The following PCNX2 variants were observed in gnomAD, a reference collection of about 807,000 sequenced individuals.
The protein encoded by PCNX2 is pecanex 2, also known as pecanex-like protein 2.
PCNX2 carries 168 observed loss-of-function variants against 223.8 expected under a neutral mutation model. The observed-to-expected ratio is 0.75, with a 90% CI of 0.66 to 0.85. The LOEUF is 0.85. Ranked by LOEUF, PCNX2 falls within the 40% of genes least tolerant of loss-of-function variation. The pLI, the probability that PCNX2 is intolerant of heterozygous loss-of-function variation, is 0.00. For synonymous variants in PCNX2, 1,006 were observed against 1,052.6 expected (o/e 0.96, Z 0.86); for missense variants, 2,507 against 2,675.5 (o/e 0.94, Z 1.39).
intron 8 of PCNX2, among the ~76,000 whole-genome samples, chr1:233,250,273 T>TA (rs1659378409): frequency 4.8e-5 from 1 of 20,790 alleles, no homozygotes; most frequent in South Asian, 7.1e-4. Flanking sequence ...CATCAACTAA[T>TA]TAATATCAGC....
chr1:233,012,125 CTG>C (rs1670489345), intron 28 of PCNX2, among the ~76,000 whole-genome samples: 1 of 152,144 alleles, frequency 6.6e-6, no homozygotes, highest in Non-Finnish European at 1.5e-5. Flanking sequence ...GTGTTGATGA[CTG>C]TTGTTTTTGT....
intron 10 of PCNX2, among the ~76,000 whole-genome samples, chr1:233,221,968 A>G (rs983234290): frequency 4.6e-5 from 7 of 152,208 alleles, no homozygotes; most frequent in Admixed American, 1.3e-4. Flanking sequence ...TCAGTGAACA[A>G]AAGAGATGGG....
intron 23 of PCNX2, among the ~76,000 whole-genome samples, chr1:233,071,569 C>T (rs984030354): frequency 4.6e-5 from 7 of 152,218 alleles, no homozygotes; most frequent in Non-Finnish European, 1.0e-4. Context: ...CTGATGGTAT[C>T]CATGTCTTTG....
chr1:233,053,707 G>A (rs1672088383), intron 25 of PCNX2, among the ~76,000 whole-genome samples: 3 of 152,250 alleles, frequency 2.0e-5, no homozygotes, highest in South Asian at 4.1e-4. Flanking sequence ...CTCCTCATTT[G>A]CGGGAAAACT....
Position 233,000,519 on chromosome 1 carries a change from G to A in PCNX2, c.5114C>T (p.Pro1705Leu), listed in dbSNP as rs779524666. 7 of 1,598,150 alleles carry A rather than the reference G, an allele frequency of 4.4e-6. No homozygotes were observed. The highest frequency in any genetic ancestry group is 6.0e-6 in the Non-Finnish European group (7 of 1,175,462). ...LKLHQDQFTC[P>L]DEYEDPAVLY... ...GACTGCTGGGTCTTCATACTCGTCA[G>A]GGCAAGTGAACTGGTCCTGGTGGGA... The change falls in exon 30 of 34, where the codon CCT becomes CTT. Residue 1705 changes from proline to leucine, a missense_variant. Transcript: ENST00000258229. This position sits in a 1 kb window ranked among gnomAD's most constrained non-coding sequence, Gnocchi z 4.6.
chr1:233,147,087 T>C (rs1677497316), intron 19 of PCNX2, among the ~76,000 whole-genome samples: 1 of 152,218 alleles, frequency 6.6e-6, no homozygotes. Flanking sequence ...TCAGTGAGAT[T>C]CTAACCATCT....
intron 23 of PCNX2, among the ~76,000 whole-genome samples, chr1:233,083,522 G>A (rs1673458525): frequency 6.6e-6 from 1 of 152,112 alleles, no homozygotes; most frequent in African/African-American, 2.4e-5. Context: ...AGCACAGAGG[G>A]GCTACCGTAA....
intron 21 of PCNX2, among the ~76,000 whole-genome samples, chr1:233,128,326 T>C (rs1019849907): frequency 2.0e-5 from 3 of 152,172 alleles, no homozygotes; most frequent in African/African-American, 7.2e-5. Context: ...AACAATGTTT[T>C]TTTTTTGTTT....
At chr1:233,208,762 T>C in intron 12 of PCNX2, 73 bp from the exon 13 acceptor site, 2 of 1,333,418 alleles carry the variant, frequency 1.5e-6, no homozygotes, top group Non-Finnish European at 2.0e-6. Flanking sequence ...TAGTCAATAA[T>C]TTACACTATA....
the PCNX2 span, among the ~76,000 whole-genome samples, chr1:233,315,505 G>C: frequency 4.6e-5 from 7 of 152,230 alleles, no homozygotes; most frequent in East Asian, 1.4e-3. Context: ...GAAAAATTTG[G>C]AGAATTGAAT....
intron 21 of PCNX2, among the ~76,000 whole-genome samples, chr1:233,100,399 CAG>C (rs1468470063): frequency 1.7e-5 from 2 of 115,626 alleles, no homozygotes; most frequent in Admixed American, 1.2e-4. Context: ...GCCTGGGTGA[CAG>C]AGAGAGATTC....
chr1:233,055,869 G>A (rs1030673670), intron 24 of PCNX2, among the ~76,000 whole-genome samples: 8 of 152,086 alleles, frequency 5.3e-5, no homozygotes, highest in South Asian at 2.1e-4. Context: ...ATCAGGGTGC[G>A]GAAGGCAGGG....
chr1:233,208,576 C>T lies in PCNX2; in HGVS notation c.2805G>A (p.Val935=). 1.2e-6 allele frequency: 2 copies of T among 1,613,652 alleles called. No homozygotes were observed. Among genetic ancestry groups the T allele is most frequent in the East Asian group, 2.2e-5 (1 of 44,850 alleles). The change falls in exon 13 of 34, where the codon GTG becomes GTA. Residue 935 remains valine (V), a synonymous_variant. Coordinates refer to ENST00000258229, the MANE Select transcript of PCNX2 (RefSeq NM_014801.4). Reference sequence around the variant, plus strand: ...CTGGAGAGAAGAGCTTCAGGCCATACACAACGTAACTGGGAGGGTGCCTGG... The same window carrying T: ...CTGGAGAGAAGAGCTTCAGGCCATATACAACGTAACTGGGAGGGTGCCTGG... The part of the protein sequence containing the change: ...AKARHPPSYV[V]YGLKLFSPVF...
chr1:233,274,681 CTA>C (rs1660819582), intron 1 of PCNX2, among the ~76,000 whole-genome samples: 1 of 152,126 alleles, frequency 6.6e-6, no homozygotes, highest in African/African-American at 2.4e-5. Flanking sequence ...CATTTGAAAA[CTA>C]TAAAGCATGC....
chr1:232,983,521 G>A lies in PCNX2; in HGVS notation c.*783C>T, dbSNP rs933707925. ...GTTGCGGGGCTTGGAGAACAAGCAC[G>A]CGTCCCTGTGAAGCCCGCAGGGTGC... On this transcript the variant is annotated 3_prime_UTR_variant, in exon 34 of 34. Transcript: ENST00000258229. 1.3e-5 allele frequency: 2 copies of A among 152,232 alleles called. No individual in the cohort carries two copies. Among genetic ancestry groups the A allele is most frequent in the African/African-American group, 4.8e-5 (2 of 41,458 alleles). The allele number at this position is 152,232 out of a possible 1,614,324, so 9.4% of individuals were successfully genotyped here.
At chr1:233,212,022 T>G (rs1314826817) in intron 12 of PCNX2, among the ~76,000 whole-genome samples, 1 of 152,260 alleles carries the variant, frequency 6.6e-6, no homozygotes, top group African/African-American at 2.4e-5. Flanking sequence ...GGGTTTGCTG[T>G]GTTTTATCAT....
chr1:233,153,235 C>T (rs959112177), intron 19 of PCNX2, among the ~76,000 whole-genome samples: 2 of 152,174 alleles, frequency 1.3e-5, no homozygotes, highest in Non-Finnish European at 2.9e-5. Context: ...AAAGTTTCTT[C>T]TCATGTGCCT....
intron 23 of PCNX2, among the ~76,000 whole-genome samples, chr1:233,076,970 G>GT (rs1326847810): frequency 6.6e-6 from 1 of 152,182 alleles, no homozygotes; most frequent in Non-Finnish European, 1.5e-5. Flanking sequence ...TTTGAGGGGT[G>GT]TAAAGGAGGA....
intron 32 of PCNX2, among the ~76,000 whole-genome samples, chr1:232,992,154 T>A (rs1322601143): frequency 1.3e-5 from 2 of 152,188 alleles, no homozygotes; most frequent in African/African-American, 4.8e-5. Flanking sequence ...TTCTTCCAGC[T>A]CTCTGACCCT....
Sources: gnomAD v4.1 joint callset for allele counts (sites outside exome capture counted in the v4.1 genomes callset) on GRCh38, gnomAD v4.1.1 for gene constraint, Gnocchi (gnomAD v3.1) non-coding constraint, MANE v1.5 for transcripts, NCBI Gene and HGNC (gene_info 2026-07-23, HGNC 2026-07-21) for gene names.